The following NUCB1 variants were observed in gnomAD, a reference collection of about 807,000 sequenced individuals.
NUCB1 encodes the protein nucleobindin-1.
A neutral mutation model predicts 61.2 loss-of-function variants in NUCB1; 47 were observed. The observed-to-expected ratio is 0.77, with a 90% confidence interval of 0.61 to 0.98. The LOEUF (loss-of-function observed/expected upper bound fraction) is 0.98. Among genes scored for constraint, NUCB1 ranks in the 50% least tolerant of loss-of-function variants. NUCB1 has a pLI of 0.00. For synonymous variants in NUCB1, 234 were observed against 243.1 expected, an observed-to-expected ratio of 0.96 and a Z score of 0.35; for missense variants, 583 against 605.3, an observed-to-expected ratio of 0.96 and a Z score of 0.39.
At chr19:48,918,890 T>A in intron 8 of NUCB1, 106 bp downstream of exon 8, 1 of 1,325,548 alleles carries the variant, frequency 7.5e-7, no homozygotes, top group Non-Finnish European at 1.1e-6. Flanking sequence ...CAGTGAAAAC[T>A]ACAACTCCCA....
Position 48,923,283 on chromosome 19 carries a change from A to T in NUCB1, c.*859A>T, listed in dbSNP as rs895293640. On this transcript the variant is annotated 3_prime_UTR_variant, in exon 13 of 13. Coordinates refer to ENST00000405315, the MANE Select transcript of NUCB1 (RefSeq NM_006184.6). ...CTTTCTGGAACAAATGCATGGCTCCATGCCTGTGTATCTGGACTGGTCCCT... is the reference window on the plus strand; with the variant it reads ...CTTTCTGGAACAAATGCATGGCTCCTTGCCTGTGTATCTGGACTGGTCCCT... The T allele has an allele frequency of 1.3e-5, 2 of 152,284 alleles. No homozygotes were observed. The highest frequency in any genetic ancestry group is 2.9e-5 in the Non-Finnish European group (2 of 68,130). 9.4% of individuals were successfully genotyped at this position (152,284 alleles called of 1,614,324 possible).
At chr19:48,918,620 T>C (rs576517609) in intron 7 of NUCB1, 106 bp from the exon 8 acceptor site, 1 of 861,618 alleles carries the variant, frequency 1.2e-6, no homozygotes, top group East Asian at 2.4e-5. Context: ...CGTAGTTACC[T>C]GTCCTCTGAT....
chr19:48,914,884 C>G (rs1017506637), intron 7 of NUCB1, among the ~76,000 whole-genome samples: 18 of 151,820 alleles, frequency 1.2e-4, no homozygotes, highest in African/African-American at 4.4e-4. Context: ...AGTTCAAGAC[C>G]AGCCTGGCCA....
At chr19:48,919,819 A>G (rs1375176895) in intron 10 of NUCB1, among the ~76,000 whole-genome samples, 26 of 128,068 alleles carry the variant, frequency 2.0e-4, no homozygotes, top group Non-Finnish European at 3.1e-4. Context: ...CGTAGGCTGG[A>G]GCCCAGTGGT....
At chr19:48,916,948 A>G (rs2122200857) in intron 7 of NUCB1, among the ~76,000 whole-genome samples, 1 of 151,982 alleles carries the variant, frequency 6.6e-6, no homozygotes, top group East Asian at 2.0e-4. Context: ...GGCCCGGCGC[A>G]GTGGCTTACC....
intron 7 of NUCB1, among the ~76,000 whole-genome samples, chr19:48,916,642 G>A (rs1398958433): frequency 6.7e-6 from 1 of 150,174 alleles, no homozygotes; most frequent in African/African-American, 2.5e-5. Context: ...AATAGGCTGG[G>A]CTCAGTGGCT....
intron 11 of NUCB1, 23 bp from the exon 12 acceptor site, chr19:48,921,804 G>T: frequency 6.2e-7 from 1 of 1,607,746 alleles, no homozygotes; most frequent in Non-Finnish European, 8.5e-7. Flanking sequence ...CCTCTTGTCT[G>T]TGTGACCCCC....
At position 48,904,438 on chromosome 19, in the gene NUCB1, A is replaced by G. The variant is rs190940468; in HGVS notation, c.227A>G (p.Asn76Ser). The G allele has an allele frequency of 2.9e-5, 47 of 1,608,266 alleles. No homozygotes were observed. Among genetic ancestry groups the G allele is most frequent in the Middle Eastern group, 1.7e-4 (1 of 6,030 alleles). ...TTCCGAGAGAAGCTGCAGGCTGCCA[A>G]TGCGGAGGACATCAAGGTGCGGCTG... is the stretch of plus-strand genomic sequence containing the variant. ...GHFREKLQAA[N>S]AEDIKSGKLS... The change falls in exon 3 of 13, where the codon AAT becomes AGT. Residue 76 changes from asparagine (N) to serine (S), a missense_variant. Asn to Ser is a conservative substitution (Grantham distance 46, BLOSUM62 1). Transcript: ENST00000405315.
Position 48,919,051 on chromosome 19 carries a change from A to C in NUCB1, c.838A>C (p.Lys280Gln), listed in dbSNP as rs375263053. The change falls in exon 9 of 13, where the codon AAG (lysine) becomes CAG (glutamine). Residue 280 changes from lysine (K) to glutamine (Q), a missense_variant. Lys to Gln is a moderately conservative substitution (Grantham distance 53). Transcript: ENST00000405315. ...TKELEKVYDP[K>Q]NEEDDMREME... ...GCAGCTGGAGAAAGTGTACGACCCA[A>C]AGAATGAGGAGGACGACATGCGGGA... is the stretch of plus-strand genomic sequence containing the variant. The C allele has an allele frequency of 1.6e-5, 26 of 1,613,936 alleles. No homozygotes were observed. Among genetic ancestry groups the C allele is most frequent in the Non-Finnish European group, 1.9e-5 (23 of 1,180,014 alleles).
intron 3 of NUCB1, 58 bp downstream of exon 3, chr19:48,904,512 G>A: frequency 9.6e-7 from 1 of 1,036,768 alleles, no homozygotes; most frequent in Non-Finnish European, 1.4e-6. Flanking sequence ...GCAGAGTTCA[G>A]GGGAGGACTG....
chr19:48,919,308 G>A (rs1347603076), intron 10 of NUCB1, 22 bp downstream of exon 10: 3 of 1,577,770 alleles, frequency 1.9e-6, no homozygotes, highest in South Asian at 1.1e-5. Context: ...GGGGATACTC[G>A]GGGTCCTGAA....
At chr19:48,913,652 C>T in intron 7 of NUCB1, 88 bp downstream of exon 7, 2 of 1,126,292 alleles carry the variant, frequency 1.8e-6, no homozygotes, top group South Asian at 1.3e-5. Context: ...TGTGTCTGTC[C>T]CAGGAGGGCT....
Position 48,900,856 on chromosome 19 carries a change from G to C in NUCB1, c.60G>C (p.Leu20=), listed in dbSNP as rs376592718. 8 of 1,613,878 alleles carry C rather than the reference G, an allele frequency of 5.0e-6. No homozygotes were observed. Among genetic ancestry groups the C allele is most frequent in the Non-Finnish European group, 5.9e-6 (7 of 1,180,028 alleles). The part of the protein sequence containing the change: ...LLLLPLLLLL[L]LRAVLAVPLE... ...TGTTGCCGCTGCTGCTGCTGCTCCT[G>C]CTTCGCGCCGTGCTGGCTGTCCCCC... Residue 20 remains leucine (L), a synonymous_variant, in exon 2 of 13, where the codon CTG becomes CTC. Coordinates refer to ENST00000405315, the MANE Select transcript of NUCB1 (RefSeq NM_006184.6).
Position 48,913,133 on chromosome 19 carries a change from G to A in NUCB1, c.603G>A (p.Glu201=). The A allele has an allele frequency of 6.2e-7, 1 of 1,613,938 alleles. No homozygotes were observed. Residue 201 remains glutamate (E), a synonymous_variant, in exon 6 of 13, where the codon GAG becomes GAA. Transcript: ENST00000405315. ...CACTGGGAGAGGAGCAGAGAAAGGA[G>A]GCGGAGAGGAAGCTGGAAGAGCAAC... ...LESLGEEQRK[E]AERKLEEQQR...
intron 10 of NUCB1, among the ~76,000 whole-genome samples, chr19:48,920,849 C>T (rs2037601280): frequency 6.6e-6 from 1 of 151,822 alleles, no homozygotes; most frequent in Non-Finnish European, 1.5e-5. Context: ...TCAAGATGCC[C>T]AGCCAATTTT....
At chr19:48,912,273 AC>A (rs1390027250) in intron 5 of NUCB1, among the ~76,000 whole-genome samples, 9 of 151,780 alleles carry the variant, frequency 5.9e-5, no homozygotes, top group South Asian at 2.1e-4. Flanking sequence ...TGATCCTCCC[AC>A]CCTAGCCTCC....
chr19:48,903,832 G>A (rs1223466885), intron 2 of NUCB1, among the ~76,000 whole-genome samples: 1 of 146,748 alleles, frequency 6.8e-6, no homozygotes, highest in African/African-American at 2.5e-5. Context: ...ATGGGCAGGT[G>A]GATGAGTGGA....
At position 48,904,466 on chromosome 19, in the gene NUCB1, G is replaced by A. The variant is rs760100042; in HGVS notation, c.243+12G>A. On this transcript the variant is annotated intron_variant, in intron 3 of 12. Coordinates refer to ENST00000405315, the MANE Select transcript of NUCB1 (RefSeq NM_006184.6). ...CGGAGGACATCAAGGTGCGGCTGGG[G>A]GAGTGGGGGCTGTGGGAGGGGTACG... The A allele has an allele frequency of 1.0e-5, 16 of 1,582,248 alleles. No individual in the cohort carries two copies. The African/African-American group carries it at 1.7e-4, about 17-fold the overall frequency.
intron 10 of NUCB1, among the ~76,000 whole-genome samples, chr19:48,920,490 C>G (rs1393270648): frequency 6.6e-6 from 1 of 152,094 alleles, no homozygotes; most frequent in Non-Finnish European, 1.5e-5. Flanking sequence ...CCATGCCCAG[C>G]TAATCTAGGT....
Sources: allele counts gnomAD v4.1 joint callset (sites outside exome capture counted in the v4.1 genomes callset), GRCh38; gene constraint gnomAD v4.1.1; transcripts MANE v1.5; gene names NCBI Gene and HGNC (gene_info 2026-07-23, HGNC 2026-07-21).